The following JAK1 variants were observed in gnomAD, a reference collection of about 807,000 sequenced individuals.
JAK1 encodes the protein Janus kinase 1.
Under a neutral mutation model 136.6 loss-of-function variants are expected in JAK1, and 16 were observed. That is an observed-to-expected ratio of 0.12 (90% CI 0.08 to 0.18). The LOEUF (loss-of-function observed/expected upper bound fraction) is 0.18, where lower values mean the gene tolerates loss of function less well. JAK1 is among the 10% of genes least tolerant of loss of function. JAK1 has a pLI of 1.00. For missense variants in JAK1, 859 were observed against 1,450.1 expected, an observed-to-expected ratio of 0.59 and a Z score of 6.62; for synonymous variants, 492 against 519.5, an observed-to-expected ratio of 0.95 and a Z score of 0.72.
chr1:65,019,928 A>G (rs1646923219), intron 2 of JAK1, among the ~76,000 whole-genome samples: 1 of 150,358 alleles, frequency 6.7e-6, no homozygotes, highest in South Asian at 2.1e-4. Context: ...AAAAAAAAGA[A>G]GAAGAAGAAG....
At chr1:64,966,940 C>G (rs1646397453), upstream of JAK1, among the ~76,000 whole-genome samples, 1 of 151,996 alleles carries the variant, frequency 6.6e-6, no homozygotes, top group African/African-American at 2.4e-5. Flanking sequence ...CGCTTCTTAC[C>G]CCAGCTCAGT....
intron 2 of JAK1, among the ~76,000 whole-genome samples, chr1:64,982,315 T>C (rs11208561): frequency 0.24 from 36,164 of 152,078 alleles, 6,069 homozygotes; most frequent in African/African-American, 0.46. Flanking sequence ...TAACGCATTA[T>C]GTGATTTGGG....
At chr1:64,991,900 A>G (rs1179618146) in intron 2 of JAK1, 2 of 152,256 alleles carry the variant, frequency 1.3e-5, no homozygotes, top group African/African-American at 4.8e-5. Flanking sequence ...TACACTGAAA[A>G]CTGTAAAAAC....
At chr1:64,923,958 TAAAG>T (rs757914076) in intron 1 of JAK1, among the ~76,000 whole-genome samples, 178 of 151,492 alleles carry the variant, frequency 1.2e-3, no homozygotes, top group South Asian at 5.0e-3. Context: ...TAACTATAAA[TAAAG>T]AATTTAAAGA....
At chr1:64,901,043 T>C (rs753173915) in intron 1 of JAK1, among the ~76,000 whole-genome samples, 1 of 152,172 alleles carries the variant, frequency 6.6e-6, no homozygotes, top group Non-Finnish European at 1.5e-5. Flanking sequence ...TACATCCTGC[T>C]CCCTAACTGT....
At chr1:64,862,016 G>T (rs1656378086) in intron 8 of JAK1, among the ~76,000 whole-genome samples, 1 of 152,240 alleles carries the variant, frequency 6.6e-6, no homozygotes, top group Non-Finnish European at 1.5e-5. Flanking sequence ...ATGCCAAGGA[G>T]ATGTAGAGAG....
At chr1:64,954,018 T>C (rs1264243423) in intron 1 of JAK1, among the ~76,000 whole-genome samples, 4 of 152,146 alleles carry the variant, frequency 2.6e-5, no homozygotes, top group East Asian at 3.9e-4. Flanking sequence ...CTATATTGTA[T>C]AGACACATCA....
intron 2 of JAK1, among the ~76,000 whole-genome samples, chr1:65,015,015 C>A (rs1349082328): frequency 1.3e-5 from 2 of 151,980 alleles, no homozygotes; most frequent in East Asian, 1.9e-4. Flanking sequence ...GAAAAAAAAT[C>A]TTTCAAGAAT....
intron 2 of JAK1, among the ~76,000 whole-genome samples, chr1:65,026,736 C>T (rs946086035): frequency 1.2e-4 from 18 of 152,102 alleles, no homozygotes; most frequent in African/African-American, 3.1e-4. Context: ...AGGCAGAGGG[C>T]GGGCAGATCA....
intron 1 of JAK1, among the ~76,000 whole-genome samples, chr1:64,937,981 G>A (rs1645821242): frequency 6.6e-6 from 1 of 151,850 alleles, no homozygotes; most frequent in Admixed American, 6.6e-5. Context: ...CCGGGTTCAT[G>A]CCATTCTCCT....
At chr1:64,846,609 C>G (rs767997483) in intron 14 of JAK1, 40 bp downstream of exon 14, 1 of 1,518,688 alleles carries the variant, frequency 6.6e-7, no homozygotes, top group South Asian at 1.1e-5. Context: ...CCAAGCTCCC[C>G]AGCCAGGCCA....
At position 65,040,597 on chromosome 1, in the gene JAK1, C is replaced by T. The variant is rs563408380; in HGVS notation, c.-78+3883G>A. Among the ~76,000 whole-genome samples, 4 of 151,770 alleles carry T rather than the reference C, an allele frequency of 2.6e-5. No homozygotes were observed. The South Asian group carries it at 8.3e-4, about 32-fold the overall frequency. Reference sequence around the variant, plus strand: ...AGAATGTGGACCTTTATTCTACGGACCATTATTCTGTCCACAACAATCTCC... The same window carrying T: ...AGAATGTGGACCTTTATTCTACGGATCATTATTCTGTCCACAACAATCTCC... On this transcript the variant is annotated intron_variant, in intron 2 of 25. Coordinates refer to the JAK1 transcript ENST00000671954.
At chr1:64,860,596 G>T (rs1656237348) in intron 8 of JAK1, among the ~76,000 whole-genome samples, 2 of 151,896 alleles carry the variant, frequency 1.3e-5, no homozygotes, top group Admixed American at 1.3e-4. Flanking sequence ...TGGGATTACA[G>T]GCACCTGCCA....
rs771509521 is a variant in JAK1, at chr1:64,836,107, A to G, written c.3249T>C (p.Ser1083=). 4.4e-6 allele frequency: 7 copies of G among 1,578,754 alleles called. No homozygotes were observed. The Admixed American group carries it at 1.2e-4, about 26-fold the overall frequency. ...ELLTYCDSDS[S]PMALFLKMIG... is the part of the protein sequence containing the mutation. ...GAAAAGTAGGACTTACAGCCATGGGACTAGAATCTGAATCACAGTAAGTCA... is the reference window on the plus strand; with the variant it reads ...GAAAAGTAGGACTTACAGCCATGGGGCTAGAATCTGAATCACAGTAAGTCA... The change falls in exon 23 of 25, where the codon AGT becomes AGC. Residue 1083 remains serine (S), a synonymous_variant. Coordinates refer to ENST00000342505, the MANE Select transcript of JAK1 (RefSeq NM_002227.4).
chr1:64,841,986 T>A (rs1018812170), intron 17 of JAK1, among the ~76,000 whole-genome samples: 4 of 152,278 alleles, frequency 2.6e-5, no homozygotes, highest in African/African-American at 9.6e-5. Flanking sequence ...TGTACAAGGA[T>A]GTTTCCTGCA....
At chr1:64,850,181 G>A (rs1353859833) in intron 12 of JAK1, among the ~76,000 whole-genome samples, 1 of 152,206 alleles carries the variant, frequency 6.6e-6, no homozygotes, top group Non-Finnish European at 1.5e-5. Flanking sequence ...GGGCTGGGGA[G>A]CGGTGGCAGA....
intron 1 of JAK1, among the ~76,000 whole-genome samples, chr1:64,950,406 C>CAA (rs746321815): frequency 1.0e-5 from 1 of 100,404 alleles, no homozygotes; most frequent in Non-Finnish European, 2.1e-5. Context: ...GACTCTGTCT[C>CAA]AAAAAAAAAA....
rs543556799 is a variant in JAK1, at chr1:65,024,677, A to G, written c.-78+19803T>C. Among the ~76,000 whole-genome samples the G allele has an allele frequency of 4.9e-3, 735 of 150,424 alleles. 8 individuals carry two copies. The highest frequency in any genetic ancestry group is 3.4e-3 in the Middle Eastern group (1 of 292). On this transcript the variant is annotated intron_variant, in intron 2 of 25. Coordinates refer to the JAK1 transcript ENST00000671954. Reference sequence around the variant, plus strand: ...GTCCAAAGCAAAAAAAAAAAAAAAAAAAAGAAAGAAAAAAAAAGGCTAGGG... The same window carrying G: ...GTCCAAAGCAAAAAAAAAAAAAAAAGAAAGAAAGAAAAAAAAAGGCTAGGG...
At chr1:65,014,988 A>G (rs917081306) in intron 2 of JAK1, among the ~76,000 whole-genome samples, 1 of 151,994 alleles carries the variant, frequency 6.6e-6, no homozygotes, top group Non-Finnish European at 1.5e-5. Flanking sequence ...CCCGGCCCAT[A>G]TTATTCTATT....
Sources: allele counts gnomAD v4.1 joint callset (sites outside exome capture counted in the v4.1 genomes callset), GRCh38; gene constraint gnomAD v4.1.1; transcripts MANE v1.5; gene names NCBI Gene and HGNC (gene_info 2026-07-23, HGNC 2026-07-21).